Variants in GSAP observed in about 807,000 individuals in gnomAD.
GSAP encodes gamma-secretase activating protein.
A neutral mutation model predicts 131.7 loss-of-function variants in GSAP; 118 were observed. The observed-to-expected ratio is 0.90, with a 90% CI of 0.77 to 1.04. The LOEUF is 1.04. GSAP is among the 50% of genes least tolerant of loss of function. The pLI is 0.00. For missense variants in GSAP, 1,019 were observed against 1,013.2 expected (o/e 1.01, Z -0.08); for synonymous variants, 381 against 363.4 (o/e 1.05, Z -0.55).
chr7:77,414,889 A>G (rs575228126), intron 1 of GSAP, among the ~76,000 whole-genome samples: 1 of 95,062 alleles, frequency 1.1e-5, no homozygotes, highest in East Asian at 3.8e-4. Context: ...ACGGAGACTT[A>G]CTCTGTTGCC....
chr7:77,403,516 A>ATTT (rs1801734690), intron 3 of GSAP, among the ~76,000 whole-genome samples: 2 of 152,222 alleles, frequency 1.3e-5, no homozygotes, highest in Non-Finnish European at 2.9e-5. Flanking sequence ...ATTTGCTCCC[A>ATTT]GAATTAGACA....
chr7:77,388,377 C>T (rs545214960), intron 5 of GSAP, among the ~76,000 whole-genome samples: 1 of 152,334 alleles, frequency 6.6e-6, no homozygotes, highest in Non-Finnish European at 1.5e-5. Flanking sequence ...CAGTATCTAT[C>T]ATTAGGACAC....
At chr7:77,408,489 A>G (rs900746482) in intron 1 of GSAP, among the ~76,000 whole-genome samples, 1 of 152,136 alleles carries the variant, frequency 6.6e-6, no homozygotes, top group Non-Finnish European at 1.5e-5. Context: ...ACTTGAGGCC[A>G]GGAATTCAAG....
chr7:77,340,378 C>G (rs140895206), intron 19 of GSAP, among the ~76,000 whole-genome samples: 2 of 152,124 alleles, frequency 1.3e-5, no homozygotes, highest in African/African-American at 4.8e-5. Context: ...CATTTGGTGC[C>G]GAAGACCCAG....
chr7:77,385,717 C>A (rs972779933), intron 6 of GSAP, among the ~76,000 whole-genome samples: 1 of 152,072 alleles, frequency 6.6e-6, no homozygotes, highest in Non-Finnish European at 1.5e-5. Context: ...TCAGGAGTGG[C>A]GGGGAAATGC....
intron 28 of GSAP, 121 bp downstream of exon 28, chr7:77,313,367 G>A (rs1462282248): frequency 3.2e-6 from 2 of 620,404 alleles, no homozygotes; most frequent in Admixed American, 2.9e-5. Context: ...TGGAAGTGTT[G>A]AAAAGTGAAA....
At chr7:77,405,875 A>T (rs1056737284) in intron 2 of GSAP, among the ~76,000 whole-genome samples, 154 bp downstream of exon 2, 24 of 152,282 alleles carry the variant, frequency 1.6e-4, no homozygotes, top group African/African-American at 5.8e-4. Flanking sequence ...ATTCAGTCTC[A>T]CACACACAAA....
chr7:77,378,436 A>T (rs151133962), intron 8 of GSAP, among the ~76,000 whole-genome samples: 1,850 of 152,230 alleles, frequency 0.012, 35 homozygotes, highest in African/African-American at 0.043. Flanking sequence ...GTGAGCCAAG[A>T]TCCCACCACT....
At chr7:77,390,763 A>G (rs934942989) in intron 5 of GSAP, among the ~76,000 whole-genome samples, 2 of 151,572 alleles carry the variant, frequency 1.3e-5, no homozygotes, top group African/African-American at 4.8e-5. Context: ...TAATAAAAAT[A>G]AAAAATAAAA....
intron 20 of GSAP, chr7:77,329,639 TAG>T (rs141362429): frequency 7.7e-6 from 2 of 259,084 alleles, no homozygotes; most frequent in East Asian, 1.5e-4. Flanking sequence ...GCAGCGATAC[TAG>T]AGAGAGATGC....
At chr7:77,390,340 T>C (rs1799276815) in intron 5 of GSAP, among the ~76,000 whole-genome samples, 1 of 152,176 alleles carries the variant, frequency 6.6e-6, no homozygotes, top group African/African-American at 2.4e-5. Flanking sequence ...TTTGGTGTTT[T>C]AGACATGAAG....
chr7:77,330,898 A>G, intron 19 of GSAP: 1 of 964,678 alleles, frequency 1.0e-6, no homozygotes, highest in Non-Finnish European at 1.2e-6. Flanking sequence ...TGTCACATAC[A>G]CCAAAACAGA....
At chr7:77,333,577 C>T (rs894677754) in intron 19 of GSAP, among the ~76,000 whole-genome samples, 1 of 152,152 alleles carries the variant, frequency 6.6e-6, no homozygotes, top group Non-Finnish European at 1.5e-5. Flanking sequence ...CAAGTAATCC[C>T]GGGCACCCCA....
intron 6 of GSAP, among the ~76,000 whole-genome samples, chr7:77,383,351 G>A (rs955248760): frequency 1.3e-5 from 2 of 151,368 alleles, no homozygotes; most frequent in African/African-American, 2.4e-5. Flanking sequence ...CACAGAGGTC[G>A]ATATAGTCGT....
At position 77,311,106 on chromosome 7, in the gene GSAP, G is replaced by A. The variant is rs547376892; in HGVS notation, c.*252C>T. ...CTATTAAGCTACTAGGAAGAGCATCGTTTATGCCACTGTATGCCTTCTTAG... is the reference window on the plus strand; with the variant it reads ...CTATTAAGCTACTAGGAAGAGCATCATTTATGCCACTGTATGCCTTCTTAG... On this transcript the variant is annotated 3_prime_UTR_variant, in exon 31 of 31. Coordinates refer to ENST00000257626, the MANE Select transcript of GSAP (RefSeq NM_017439.4). 14 of 381,076 alleles carry A rather than the reference G, an allele frequency of 3.7e-5. No homozygotes were observed. Among genetic ancestry groups the A allele is most frequent in the South Asian group, 3.2e-4 (6 of 18,764 alleles). 23.6% of individuals were successfully genotyped at this position (381,076 alleles called of 1,614,324 possible).
chr7:77,398,947 T>C (rs1476145529), intron 3 of GSAP, among the ~76,000 whole-genome samples: 5 of 152,248 alleles, frequency 3.3e-5, no homozygotes, highest in African/African-American at 7.2e-5. Context: ...GCTTTTTTCA[T>C]GTAACAACAT....
chr7:77,345,224 G>A (rs187121622), intron 19 of GSAP, among the ~76,000 whole-genome samples: 5 of 152,052 alleles, frequency 3.3e-5, no homozygotes, highest in East Asian at 3.9e-4. Context: ...CATTCTATAC[G>A]ACAAATGCTC....
In GSAP at chr7:77,314,485, A is replaced by C; in HGVS notation, c.2094T>G (p.Phe698Leu). The C allele has an allele frequency of 1.9e-6, 3 of 1,613,640 alleles. No homozygotes were observed. Among genetic ancestry groups the C allele is most frequent in the Non-Finnish European group, 1.7e-6 (2 of 1,179,712 alleles). ...NSLFLPLPPG[F>L]HTLHTILGVQ... Reference sequence around the variant, plus strand: ...CCCCGAGGATGGTGTGCAGAGTATGAAAACCTAGGATGAGAGATCTGGAGG... The same window carrying C: ...CCCCGAGGATGGTGTGCAGAGTATGCAAACCTAGGATGAGAGATCTGGAGG... Residue 698 changes from phenylalanine (F) to leucine (L), a missense_variant, in exon 27 of 31, where the codon TTT becomes TTG. Transcript: ENST00000257626.
In GSAP at chr7:77,397,022, A is replaced by T; in HGVS notation, c.327T>A (p.Val109=). The stretch of plus-strand genomic sequence containing the variant: ...TCCTTTTTCCTTCTTTAGTAGACTG[A>T]ACTAAACTTGCAGCTAATGGAAAAA... The part of the protein sequence containing the change: ...SERTLLAASL[V]QSTKEGKRNE... Residue 109 remains valine, a synonymous_variant, in exon 5 of 31, where the codon GTT becomes GTA. Transcript: ENST00000257626. 1 of 1,599,562 alleles carries T rather than the reference A, an allele frequency of 6.3e-7. No individual in the cohort carries two copies. Among genetic ancestry groups the T allele is most frequent in the Non-Finnish European group, 8.5e-7 (1 of 1,169,886 alleles).
Sources: allele counts gnomAD v4.1 joint callset (sites outside exome capture counted in the v4.1 genomes callset), GRCh38; gene constraint gnomAD v4.1.1; transcripts MANE v1.5; gene names NCBI Gene and HGNC (gene_info 2026-07-23, HGNC 2026-07-21).